Variants in RRN3 observed in about 807,000 individuals in gnomAD.
The protein encoded by RRN3 is RNA polymerase I transcription factor RRN3.
A neutral mutation model predicts 82.3 loss-of-function variants in RRN3; 38 were observed. The observed-to-expected ratio is 0.46, with a 90% CI of 0.36 to 0.61. The LOEUF (loss-of-function observed/expected upper bound fraction) is 0.61, where lower values mean the gene tolerates loss of function less well. Among genes scored for constraint, RRN3 ranks in the 20% least tolerant of loss-of-function variants. The probability of loss-of-function intolerance (pLI) is 0.00; values close to 1 mark genes in which losing one functional copy is unlikely to be tolerated. For synonymous variants in RRN3, 284 were observed against 284.3 expected (o/e 1.00, Z 0.01); for missense variants, 726 against 793.1 (o/e 0.92, Z 1.02).
At chr16:15,084,831 C>G in intron 6 of RRN3, 126 bp from the exon 7 acceptor site, 1 of 696,656 alleles carries the variant, frequency 1.4e-6, no homozygotes, top group Middle Eastern at 2.4e-4. Context: ...TTTGGGAGGC[C>G]GAGGTGGGTG....
intron 8 of RRN3, among the ~76,000 whole-genome samples, chr16:15,080,836 C>T (rs375572869): frequency 0.01 from 1,306 of 127,328 alleles, 9 homozygotes; most frequent in Middle Eastern, 0.047. Flanking sequence ...GCCTCTTTGA[C>T]ATTTCATATA....
At chr16:15,067,101 T>C (rs1460157000) in intron 15 of RRN3, among the ~76,000 whole-genome samples, 4 of 148,158 alleles carry the variant, frequency 2.7e-5, no homozygotes, top group Non-Finnish European at 6.0e-5. Flanking sequence ...CTTTATGCCT[T>C]TTCCTAATCC....
At chr16:15,094,327 A>G (rs1034506843), upstream of RRN3, 17 of 1,186,656 alleles carry the variant, frequency 1.4e-5, no homozygotes, top group African/African-American at 7.8e-5. Context: ...TGCCAGCGCA[A>G]CCTTCAGCCA....
chr16:15,088,763 A>G (rs2046004592), intron 3 of RRN3, among the ~76,000 whole-genome samples: 1 of 152,210 alleles, frequency 6.6e-6, no homozygotes. Flanking sequence ...ATGTATAGTG[A>G]CCAAGCCAAC....
chr16:15,092,203 G>A (rs1428546661), intron 2 of RRN3, among the ~76,000 whole-genome samples: 2 of 152,094 alleles, frequency 1.3e-5, no homozygotes, highest in Non-Finnish European at 2.9e-5. Context: ...ATAAAATGGT[G>A]TAATTGTTTT....
At chr16:15,069,298 C>T (rs1260080923) in intron 14 of RRN3, among the ~76,000 whole-genome samples, 5 of 152,028 alleles carry the variant, frequency 3.3e-5, no homozygotes, top group African/African-American at 9.7e-5. Flanking sequence ...GGACAGCCCC[C>T]GACGATGAAG....
chr16:15,063,709 A>AAG (rs2044823248), intron 16 of RRN3, among the ~76,000 whole-genome samples: 2 of 150,586 alleles, frequency 1.3e-5, no homozygotes, highest in Non-Finnish European at 3.0e-5. Context: ...TGTCTCAAAA[A>AAG]AAAAAAAAAA....
intron 1 of RRN3, among the ~76,000 whole-genome samples, chr16:15,092,947 T>C (rs2046195623): frequency 6.6e-6 from 1 of 152,194 alleles, no homozygotes; most frequent in South Asian, 2.1e-4. Context: ...CCAAGCTGTT[T>C]TTCATTTCAC....
chr16:15,085,160 T>C (rs1396413773), intron 6 of RRN3, among the ~76,000 whole-genome samples: 2 of 152,192 alleles, frequency 1.3e-5, no homozygotes, highest in African/African-American at 4.8e-5. Flanking sequence ...ATTTCAAGAT[T>C]TTTCTCCACC....
intron 17 of RRN3, among the ~76,000 whole-genome samples, chr16:15,062,518 T>C (rs1241555476): frequency 6.6e-6 from 1 of 152,230 alleles, no homozygotes; most frequent in East Asian, 1.9e-4. Flanking sequence ...TACTGGATTC[T>C]AACTTTCCTC....
chr16:15,094,273 G>A (rs1431017442), upstream of RRN3: 5 of 1,464,400 alleles, frequency 3.4e-6, no homozygotes, highest in South Asian at 2.4e-5. Context: ...CAGGCCGGAT[G>A]CCCAGCTCCT....
chr16:15,065,544 A>G (rs2044933236), intron 15 of RRN3, among the ~76,000 whole-genome samples, 173 bp from the exon 16 acceptor site: 1 of 152,214 alleles, frequency 6.6e-6, no homozygotes. Flanking sequence ...GTACCGTTCT[A>G]TGGGTCTTCT....
In RRN3 at chr16:15,085,522, T is replaced by C. The variant is rs572187836; in HGVS notation, c.532+117A>G. 7 of 1,426,072 alleles carry C rather than the reference T, an allele frequency of 4.9e-6. No homozygotes were observed. In the East Asian group the frequency reaches 1.2e-4, roughly 25 times the overall value. The allele number at this position is 1,426,072 out of a possible 1,614,324, so 88.3% of individuals were successfully genotyped here. A position where few individuals can be genotyped will look rare whatever the true frequency, so the allele number is the denominator to read the frequency against. ...TTGCAGAGACAAGGTCTCACTATGT[T>C]GCCCAGGCTGGTCTCAAACTCTTGG... On this transcript the variant is annotated intron_variant, in intron 6 of 17. Coordinates refer to ENST00000198767, the MANE Select transcript of RRN3 (RefSeq NM_018427.5).
intron 6 of RRN3, among the ~76,000 whole-genome samples, chr16:15,085,325 A>AC (rs1301811785): frequency 1.1e-5 from 1 of 87,340 alleles, no homozygotes; most frequent in African/African-American, 3.0e-5. Context: ...TCTGTGCTTT[A>AC]CTTTTTTTTT....
At chr16:15,085,803 T>C in intron 5 of RRN3, 105 bp from the exon 6 acceptor site, 5 of 1,486,476 alleles carry the variant, frequency 3.4e-6, no homozygotes, top group Non-Finnish European at 4.5e-6. Flanking sequence ...ATAAAAAAAG[T>C]TATTTTTCCA....
At chr16:15,069,594 T>C (rs2045135557) in intron 14 of RRN3, among the ~76,000 whole-genome samples, 1 of 152,146 alleles carries the variant, frequency 6.6e-6, no homozygotes, top group Admixed American at 6.5e-5. Flanking sequence ...AACTTTAGGG[T>C]CAGCCAAACC....
At chr16:15,087,686 G>A (rs975692841) in intron 3 of RRN3, among the ~76,000 whole-genome samples, 6 of 152,228 alleles carry the variant, frequency 3.9e-5, no homozygotes, top group Admixed American at 6.5e-5. Flanking sequence ...TAACATTAAC[G>A]GTAGCTCACT....
Position 15,086,164 on chromosome 16 carries a change from G to A in RRN3, c.437C>T (p.Pro146Leu), listed in dbSNP as rs147815523. ...LVSAQTVFLR[P>L]CLSMIASHFV... The stretch of plus-strand genomic sequence containing the variant: ...ATGGGAAGCAATCATGCTGAGACAC[G>A]GTCTGAGGAAAACAGTCTGTGCTGA... The change falls in exon 5 of 18, where the codon CCG (proline) becomes CTG (leucine). Residue 146 changes from proline to leucine, a missense_variant. Pro to Leu is a moderately conservative substitution (Grantham distance 98). Around this residue, in one of 4 missense-constraint regions of RRN3, gnomAD observed 344 missense variants for 394.5 expected, o/e 0.87. Coordinates refer to ENST00000198767, the MANE Select transcript of RRN3 (RefSeq NM_018427.5). 90 of 1,606,984 alleles carry A rather than the reference G, an allele frequency of 5.6e-5. No homozygotes were observed. The African/African-American group carries it at 6.4e-4, about 12-fold the overall frequency.
chr16:15,068,142 C>T (rs1293695179), intron 15 of RRN3, 27 bp downstream of exon 15: 1 of 1,486,960 alleles, frequency 6.7e-7, no homozygotes, highest in Non-Finnish European at 9.1e-7. Context: ...TTAAATAACT[C>T]CCATCAAGAA....
Sources: gnomAD v4.1 joint callset for allele counts (sites outside exome capture counted in the v4.1 genomes callset) on GRCh38, gnomAD v4.1.1 for gene constraint, gnomAD v4.1.1 regional missense constraint, MANE v1.5 for transcripts, NCBI Gene and HGNC (gene_info 2026-07-23, HGNC 2026-07-21) for gene names.